Variants in LRRC4C observed in about 807,000 individuals in gnomAD.
LRRC4C encodes leucine rich repeat containing 4C.
In LRRC4C, 5 loss-of-function variants were observed where a neutral mutation model predicts 33.6. The observed-to-expected ratio is 0.15, with a 90% confidence interval of 0.08 to 0.31. LRRC4C has a LOEUF of 0.31. Among genes scored for constraint, LRRC4C ranks in the 10% least tolerant of loss-of-function variants. The pLI, the probability that LRRC4C is intolerant of heterozygous loss-of-function variation, is 1.00. For missense variants in LRRC4C, 560 were observed against 796.7 expected, an observed-to-expected ratio of 0.70 and a Z score of 3.58; for synonymous variants, 329 against 302.0, an observed-to-expected ratio of 1.09 and a Z score of -0.93.
chr11:40,287,353 G>T (rs141200566), intron 4 of LRRC4C, among the ~76,000 whole-genome samples: 86 of 151,722 alleles, frequency 5.7e-4, no homozygotes, highest in Middle Eastern at 3.4e-3. Flanking sequence ...CCCAAAGCCA[G>T]GCTTCTGGTA....
At chr11:41,431,852 A>G (rs1955247949) in intron 1 of LRRC4C, among the ~76,000 whole-genome samples, 1 of 152,202 alleles carries the variant, frequency 6.6e-6, no homozygotes, top group Non-Finnish European at 1.5e-5. Flanking sequence ...CGATTTAGGG[A>G]TAAATCTTTA....
At chr11:41,243,857 A>G (rs776623947) in intron 1 of LRRC4C, among the ~76,000 whole-genome samples, 1 of 152,166 alleles carries the variant, frequency 6.6e-6, no homozygotes, top group Non-Finnish European at 1.5e-5. Context: ...TAGCAGTACT[A>G]TGAAGTAGGC....
At chr11:41,198,637 T>C (rs116327019) in intron 1 of LRRC4C, among the ~76,000 whole-genome samples, 2,191 of 151,674 alleles carry the variant, frequency 0.014, 52 homozygotes, top group African/African-American at 0.049. Context: ...AAAAAAAGTA[T>C]GGAGGGAAAT....
At chr11:41,330,746 T>C (rs1320549864) in intron 1 of LRRC4C, among the ~76,000 whole-genome samples, 1 of 152,028 alleles carries the variant, frequency 6.6e-6, no homozygotes, top group Non-Finnish European at 1.5e-5. Context: ...ATTTTTAGTA[T>C]ATATGCATAC....
intron 1 of LRRC4C, among the ~76,000 whole-genome samples, chr11:41,203,975 C>G (rs895656314): frequency 1.3e-5 from 2 of 152,088 alleles, no homozygotes; most frequent in African/African-American, 4.8e-5. Context: ...TTTTCTTTCT[C>G]TTTGTGAAAC....
chr11:41,174,068 T>C (rs748791016), intron 1 of LRRC4C, among the ~76,000 whole-genome samples: 19 of 152,154 alleles, frequency 1.2e-4, no homozygotes, highest in Admixed American at 2.0e-4. Flanking sequence ...CTGCAACAGA[T>C]GACCAATGAA....
At chr11:40,495,829 T>TG (rs1450611674) in intron 3 of LRRC4C, among the ~76,000 whole-genome samples, 3 of 46,884 alleles carry the variant, frequency 6.4e-5, no homozygotes, top group African/African-American at 1.4e-4. Flanking sequence ...TTTTTTTTTT[T>TG]TTTTTTTTTT....
At chr11:40,965,499 G>T (rs1851287809) in intron 1 of LRRC4C, among the ~76,000 whole-genome samples, 1 of 151,962 alleles carries the variant, frequency 6.6e-6, no homozygotes, top group African/African-American at 2.4e-5. Flanking sequence ...TTTATGGTTT[G>T]AGGTCTGACA....
At chr11:41,388,338 T>C (rs1214014366) in intron 1 of LRRC4C, among the ~76,000 whole-genome samples, 1 of 151,848 alleles carries the variant, frequency 6.6e-6, no homozygotes, top group Admixed American at 6.6e-5. Context: ...TAGGGCAATA[T>C]ATCCACTAGA....
At chr11:40,741,538 T>C (rs1948157164) in intron 2 of LRRC4C, among the ~76,000 whole-genome samples, 1 of 152,026 alleles carries the variant, frequency 6.6e-6, no homozygotes, top group Non-Finnish European at 1.5e-5. Context: ...TTTCTGATGG[T>C]ACAGTAGACA....
Position 40,115,514 on chromosome 11 carries a change from C to T in LRRC4C, c.779G>A (p.Arg260Gln), listed in dbSNP as rs760514279. 78 of 1,614,022 alleles carry T rather than the reference C, an allele frequency of 4.8e-5. No individual in the cohort carries two copies. The highest frequency in any genetic ancestry group is 6.7e-5 in the East Asian group (3 of 44,876). Residue 260 changes from arginine (R) to glutamine (Q), a missense_variant, in exon 7 of 7, where the codon CGG becomes CAG. Coordinates refer to ENST00000528697, the MANE Select transcript of LRRC4C (RefSeq NM_001258419.2). This position sits in a 1 kb window ranked among gnomAD's most constrained non-coding sequence, Gnocchi z 6.7. ...TGACTGAAGGTTGTCAAAGGCATTC[C>T]GTTCAATCACTTGAATCTGGGACTG... ...MIQSQIQVIE[R>Q]NAFDNLQSLV... is the part of the protein sequence containing the mutation.
chr11:40,205,093 G>A (rs1427014981), intron 5 of LRRC4C, among the ~76,000 whole-genome samples: 4 of 152,176 alleles, frequency 2.6e-5, no homozygotes, highest in Non-Finnish European at 5.9e-5. Context: ...CTCTGCTCCA[G>A]GTTAAACCTT....
chr11:40,777,499 GTTTT>G (rs57851988), intron 2 of LRRC4C, among the ~76,000 whole-genome samples: 105 of 137,640 alleles, frequency 7.6e-4, no homozygotes, highest in East Asian at 1.6e-3. Flanking sequence ...CTTTTTTACT[GTTTT>G]TTTTTTTTTT....
intron 1 of LRRC4C, among the ~76,000 whole-genome samples, chr11:41,231,040 A>C (rs1947767953): frequency 1.3e-5 from 2 of 152,166 alleles, no homozygotes; most frequent in African/African-American, 4.8e-5. Context: ...CCATCAGAGA[A>C]ATGCAAATCA....
chr11:41,353,202 C>T (rs967571919), intron 1 of LRRC4C, among the ~76,000 whole-genome samples: 2 of 151,804 alleles, frequency 1.3e-5, no homozygotes, highest in Admixed American at 1.3e-4. Flanking sequence ...TTACCATCGA[C>T]CCCAGAAAAA....
At chr11:40,269,795 C>T (rs770793878) in intron 4 of LRRC4C, among the ~76,000 whole-genome samples, 4 of 128,628 alleles carry the variant, frequency 3.1e-5, no homozygotes, top group Admixed American at 9.7e-5. Flanking sequence ...CTTAATAGCA[C>T]ATTGGTAACT....
intron 1 of LRRC4C, among the ~76,000 whole-genome samples, chr11:41,158,673 AT>A (rs2136009821): frequency 6.6e-6 from 1 of 152,272 alleles, no homozygotes; most frequent in Admixed American, 6.5e-5. Context: ...TTTCTCCTAC[AT>A]TTATGCTTTC....
chr11:40,891,784 T>C (rs1955717283), intron 2 of LRRC4C, among the ~76,000 whole-genome samples: 1 of 152,112 alleles, frequency 6.6e-6, no homozygotes, highest in Admixed American at 6.5e-5. Context: ...AAAGGGAAAC[T>C]CTCATACACT....
intron 3 of LRRC4C, among the ~76,000 whole-genome samples, chr11:40,505,008 G>C (rs1954962738): frequency 6.6e-6 from 1 of 152,110 alleles, no homozygotes; most frequent in African/African-American, 2.4e-5. Flanking sequence ...GTCTTCTAGT[G>C]GGGGAAGGCA....
Sources: allele counts gnomAD v4.1 joint callset (sites outside exome capture counted in the v4.1 genomes callset), GRCh38; gene constraint gnomAD v4.1.1; non-coding constraint Gnocchi (gnomAD v3.1); transcripts MANE v1.5; gene names NCBI Gene and HGNC (gene_info 2026-07-23, HGNC 2026-07-21).